Variants in EARS2 observed in about 807,000 individuals in gnomAD.
EARS2 encodes the protein glutamyl-tRNA synthetase 2, mitochondrial.
Under a neutral mutation model 54.1 loss-of-function variants are expected in EARS2, and 50 were observed. The ratio of observed to expected loss-of-function variants is 0.92; its 90% CI spans 0.74 to 1.17. The LOEUF is 1.17. Among genes scored for constraint, EARS2 ranks in the 50% most tolerant of loss-of-function variants. The pLI is 0.00. For synonymous variants in EARS2, 298 were observed against 281.0 expected, an observed-to-expected ratio of 1.06 and a Z score of -0.61; for missense variants, 673 against 675.0, an observed-to-expected ratio of 1.00 and a Z score of 0.03.
intron 3 of EARS2, among the ~76,000 whole-genome samples, chr16:23,540,169 A>G (rs1406756699): frequency 6.6e-6 from 1 of 152,080 alleles, no homozygotes; most frequent in Non-Finnish European, 1.5e-5. Flanking sequence ...AAAACAAAAC[A>G]TAACACTCTG....
chr16:23,535,052 C>T lies in EARS2; in HGVS notation c.794G>A (p.Gly265Asp). 6.2e-7 allele frequency: 1 copy of T among 1,608,826 alleles called. No homozygotes were observed. The highest frequency in any genetic ancestry group is 8.5e-7 in the Non-Finnish European group (1 of 1,178,124). Residue 265 changes from glycine (G) to aspartate (D), a missense_variant, in exon 4 of 9, where the codon GGC becomes GAC. Gly to Asp is a moderately conservative substitution (Grantham distance 94, BLOSUM62 -1). Transcript: ENST00000449606. ...AKHLLLYQAL[G>D]WQPPHFAHLP... ...GTGGGCGAAGTGGGGTGGCTGCCAG[C>T]CCAGGGCCTGGTAGAGGAGCAGGTG...
chr16:23,552,682 GCAT>G (rs1309007445), intron 1 of EARS2, among the ~76,000 whole-genome samples: 1 of 152,212 alleles, frequency 6.6e-6, no homozygotes, highest in Admixed American at 6.5e-5. Flanking sequence ...GTAGAGACAG[GCAT>G]TCGCCATGTT....
In EARS2 at chr16:23,557,260, G is replaced by A; in HGVS notation, c.84C>T (p.Asn28=). Residue 28 remains asparagine (N), a synonymous_variant, in exon 1 of 9, where the codon AAC becomes AAT. Transcript: ENST00000449606. The part of the protein sequence containing the change: ...SGRPVGRREA[N]LGTDAGVAVR... ...CCGCAACCCCGGCATCAGTGCCCAG[G>A]TTGGCCTCGCGCCGTCCTACGGGGC... 6.6e-7 allele frequency: 1 copy of A among 1,525,670 alleles called. No homozygotes were observed. Among genetic ancestry groups the A allele is most frequent in the Non-Finnish European group, 8.7e-7 (1 of 1,147,134 alleles). 94.5% of individuals were successfully genotyped at this position (1,525,670 alleles called of 1,614,324 possible). A position where few individuals can be genotyped will look rare whatever the true frequency, so the allele number is the denominator to read the frequency against.
At chr16:23,544,390 C>G in intron 3 of EARS2, 124 bp downstream of exon 3, 1 of 1,004,794 alleles carries the variant, frequency 1.0e-6, no homozygotes, top group Non-Finnish European at 1.4e-6. Context: ...GGTGAGGCCA[C>G]GCTCAGATGC....
intron 5 of EARS2, among the ~76,000 whole-genome samples, chr16:23,532,277 G>A (rs1044164022): frequency 6.6e-6 from 1 of 152,192 alleles, no homozygotes; most frequent in Admixed American, 6.5e-5. Flanking sequence ...TAAGGCTGAG[G>A]GTGGGGAGGG....
chr16:23,557,374 C>A, upstream of EARS2: 1 of 1,536,406 alleles, frequency 6.5e-7, no homozygotes, highest in African/African-American at 1.4e-5. Flanking sequence ...TGGGCTTCTC[C>A]CTGCGTCACT....
At chr16:23,527,845 G>A (rs1376532128) in intron 7 of EARS2, among the ~76,000 whole-genome samples, 3 of 152,180 alleles carry the variant, frequency 2.0e-5, no homozygotes, top group Non-Finnish European at 2.9e-5. Context: ...GAGTCACCGC[G>A]CCCAGCAAAG....
intron 4 of EARS2, among the ~76,000 whole-genome samples, chr16:23,534,052 CAAAA>C (rs34263060): frequency 3.0e-5 from 4 of 135,296 alleles, no homozygotes; most frequent in Non-Finnish European, 1.6e-5. Flanking sequence ...AGTTCTGTCT[CAAAA>C]AAAAAAAAAA....
chr16:23,532,740 C>T lies in EARS2; in HGVS notation c.984G>A (p.Pro328=), dbSNP rs77939239. 0.025 allele frequency: 40,856 copies of T among 1,613,614 alleles called. 644 individuals are homozygous for T. The highest frequency in any genetic ancestry group is 0.028 in the Non-Finnish European group (32,781 of 1,179,674). The change falls in exon 5 of 9, where the codon CCG becomes CCA. Residue 328 remains proline, a synonymous_variant. Coordinates refer to ENST00000449606, the MANE Select transcript of EARS2 (RefSeq NM_001083614.2). ...TCAGGTTGAACTGTGTGATCAGCTC[C>T]GGCAGGGTCCTGCCCATTTGGTTCT... ...FAENQMGRTL[P]ELITQFNLTQ...
chr16:23,520,967 CT>C lies in EARS2; in HGVS notation c.*3403del, dbSNP rs1196031276. Among the ~76,000 whole-genome samples, 1 of 151,818 alleles carries C rather than the reference CT, an allele frequency of 6.6e-6. No individual in the cohort carries two copies. The highest frequency in any genetic ancestry group is 2.4e-5 in the African/African-American group (1 of 41,328). Reference sequence around the variant, plus strand: ...CCACCACACCTGGCTAATTTTTGTACTTTTAGTAGAGATGGGGTTTCACCAT... The same window carrying C: ...CCACCACACCTGGCTAATTTTTGTACTTTAGTAGAGATGGGGTTTCACCAT... On this transcript the variant is annotated 3_prime_UTR_variant, in exon 9 of 9. Coordinates refer to ENST00000449606, the MANE Select transcript of EARS2 (RefSeq NM_001083614.2).
rs761627952 is a variant in EARS2, at chr16:23,552,305, C to G, written c.140-1G>C. The G allele has an allele frequency of 6.2e-7, 1 of 1,614,026 alleles. No homozygotes were observed. The highest frequency in any genetic ancestry group is 1.7e-5 in the Admixed American group (1 of 60,018). On this transcript the variant is annotated splice_acceptor_variant, in intron 1 of 8. Coordinates refer to ENST00000449606, the MANE Select transcript of EARS2 (RefSeq NM_001083614.2). LOFTEE classifies it high-confidence loss of function. ...CGGAGGCCACCCAGGTGCAAGAAGCCTGGAGAAGAGAACAGCTCAGATAAG... is the reference window on the plus strand; with the variant it reads ...CGGAGGCCACCCAGGTGCAAGAAGCGTGGAGAAGAGAACAGCTCAGATAAG...
At position 23,535,298 on chromosome 16, in the gene EARS2, G is replaced by A. The variant is rs1965399099; in HGVS notation, c.548C>T (p.Pro183Leu). The stretch of plus-strand genomic sequence containing the variant: ...CAGGCGGAAGCGGATCGCAGGCTTG[G>A]GGTCCTTGGCCAGCTTCTGGGCCAC... ...EQVAQKLAKD[P>L]KPAIRFRLEQ... Residue 183 changes from proline to leucine, a missense_variant, in exon 4 of 9, where the codon CCC (proline) becomes CTC (leucine). This residue lies in a region of EARS2 where 316 missense variants were observed against 275.2 expected (regional missense o/e 1.15). Transcript: ENST00000449606. The A allele has an allele frequency of 2.5e-6, 4 of 1,604,810 alleles. No individual in the cohort carries two copies. In the African/African-American group the frequency reaches 4.0e-5, roughly 16 times the overall value.
intron 3 of EARS2, 92 bp from the exon 4 acceptor site, chr16:23,535,452 GT>G: frequency 8.4e-7 from 1 of 1,188,646 alleles, no homozygotes; most frequent in South Asian, 1.4e-5. Context: ...CCTTAAGCAA[GT>G]CAGTTACTGC....
chr16:23,531,737 G>A (rs975775963), intron 5 of EARS2, among the ~76,000 whole-genome samples: 2 of 152,218 alleles, frequency 1.3e-5, no homozygotes, highest in Admixed American at 6.5e-5. Flanking sequence ...CTGATACTGT[G>A]TCCCCAAACC....
intron 2 of EARS2, among the ~76,000 whole-genome samples, chr16:23,545,981 C>A (rs1965597277): frequency 1.3e-5 from 2 of 152,272 alleles, no homozygotes; most frequent in South Asian, 4.1e-4. Context: ...TGCCACCATG[C>A]CCAGCTAGAC....
chr16:23,523,246 T>A lies in EARS2; in HGVS notation c.*1125A>T, dbSNP rs1421617613. The A allele has an allele frequency of 3.3e-5, 5 of 152,188 alleles. No individual in the cohort carries two copies. The highest frequency in any genetic ancestry group is 2.1e-4 in the South Asian group (1 of 4,830). 9.4% of individuals were successfully genotyped at this position (152,188 alleles called of 1,614,324 possible). On this transcript the variant is annotated 3_prime_UTR_variant, in exon 9 of 9. Transcript: ENST00000449606. ...GGGTTCATGTACCCTGCCACCATCC[T>A]CCTTTCACTTGCTATTCCTCTTCAC... is the stretch of plus-strand genomic sequence containing the variant.
Position 23,535,359 on chromosome 16 carries a change from A to C in EARS2, c.487T>G (p.Tyr163Asp). Reference protein sequence around the residue: ...EALRNHQTPRYDNRCRNMSQE... With the variant: ...EALRNHQTPRDDNRCRNMSQE... Reference sequence around the variant, plus strand: ...CTCATGTTCCTGCACCGATTGTCATACCTGATGGGGAGCAGAGCAGCATGA... The same window carrying C: ...CTCATGTTCCTGCACCGATTGTCATCCCTGATGGGGAGCAGAGCAGCATGA... The change falls in exon 4 of 9, where the codon TAT (tyrosine) becomes GAT (aspartate). Residue 163 changes from tyrosine (Y) to aspartate (D), a missense_variant and splice_region_variant. By Grantham distance (160) the Tyr-to-Asp change is radical (BLOSUM62 -3). Coordinates refer to ENST00000449606, the MANE Select transcript of EARS2 (RefSeq NM_001083614.2). 1 of 1,597,574 alleles carries C rather than the reference A, an allele frequency of 6.3e-7. No individual in the cohort carries two copies. Among genetic ancestry groups the C allele is most frequent in the South Asian group, 1.1e-5 (1 of 90,890 alleles).
intron 5 of EARS2, among the ~76,000 whole-genome samples, chr16:23,530,608 A>C (rs1257587007): frequency 6.6e-6 from 1 of 152,090 alleles, no homozygotes; most frequent in African/African-American, 2.4e-5. Flanking sequence ...GCAGTGGCTC[A>C]CTTAATCCCA....
intron 3 of EARS2, among the ~76,000 whole-genome samples, chr16:23,539,150 G>A (rs911247685): frequency 2.6e-5 from 4 of 151,758 alleles, no homozygotes; most frequent in African/African-American, 9.7e-5. Context: ...GCTAATTTTT[G>A]TACTTTAATA....
Sources: gnomAD v4.1 joint callset for allele counts (sites outside exome capture counted in the v4.1 genomes callset) on GRCh38, gnomAD v4.1.1 for gene constraint, gnomAD v4.1.1 regional missense constraint, MANE v1.5 for transcripts, NCBI Gene and HGNC (gene_info 2026-07-23, HGNC 2026-07-21) for gene names.